RABGAP1L: variants seen among roughly 807,000 people sequenced by gnomAD.
RABGAP1L encodes the protein RAB GTPase activating protein 1 like.
In RABGAP1L, 63 loss-of-function variants were observed where a neutral mutation model predicts 137.7. The ratio of observed to expected loss-of-function variants is 0.46; its 90% confidence interval spans 0.37 to 0.56. The LOEUF (loss-of-function observed/expected upper bound fraction) is 0.56, where lower values mean the gene tolerates loss of function less well. Ranked by LOEUF, RABGAP1L falls within the 20% of genes least tolerant of loss-of-function variation. RABGAP1L has a pLI of 0.00. For synonymous variants in RABGAP1L, 431 were observed against 433.7 expected (o/e 0.99, Z 0.08); for missense variants, 1,095 against 1,244.0 (o/e 0.88, Z 1.80).
chr1:174,892,644 C>T, intron 19 of RABGAP1L: 1 of 535,992 alleles, frequency 1.9e-6, no homozygotes, highest in African/African-American at 1.9e-5. Flanking sequence ...GATGAGGCTG[C>T]TAAAGCTGAT....
intron 13 of RABGAP1L, among the ~76,000 whole-genome samples, chr1:174,632,564 G>A (rs867433534): frequency 4.0e-5 from 6 of 150,174 alleles, no homozygotes; most frequent in African/African-American, 7.5e-5. Flanking sequence ...TCACATAGTC[G>A]CATATTTCTT....
At position 174,511,709 on chromosome 1, in the gene RABGAP1L, G is replaced by A. The variant is rs867398263; in HGVS notation, c.1710+117564G>A. Among the ~76,000 whole-genome samples the A allele has an allele frequency of 3.9e-4, 58 of 150,200 alleles. 1 individual carries two copies. Among genetic ancestry groups the A allele is most frequent in the Admixed American group, 1.9e-3 (28 of 15,038 alleles). On this transcript the variant is annotated intron_variant, in intron 13 of 25. Transcript: ENST00000681986. ...GTGATCTTGGCTCACCACAACCTCC[G>A]CCTCCCAGGTTCAAGCAATTCTCCT...
chr1:174,389,734 A>G (rs538296916), intron 12 of RABGAP1L, among the ~76,000 whole-genome samples: 1 of 152,164 alleles, frequency 6.6e-6, no homozygotes, highest in Non-Finnish European at 1.5e-5. Flanking sequence ...AATGCCTTTT[A>G]TATGTGGGGC....
At chr1:174,810,034 C>T (rs149735817) in intron 18 of RABGAP1L, among the ~76,000 whole-genome samples, 132 of 152,258 alleles carry the variant, frequency 8.7e-4, no homozygotes, top group Non-Finnish European at 4.4e-4. Context: ...CCACTGTTAG[C>T]CTAGCTCCAT....
rs144352235 is a variant in RABGAP1L at position 174,556,699 on chromosome 1, A to G, written c.1711-80676A>G. Among the ~76,000 whole-genome samples, 11 of 152,352 alleles carry G rather than the reference A, an allele frequency of 7.2e-5. No individual in the cohort carries two copies. The East Asian group carries it at 2.1e-3, about 29-fold the overall frequency. On this transcript the variant is annotated intron_variant, in intron 13 of 25. Coordinates refer to ENST00000681986, the MANE Select transcript of RABGAP1L (RefSeq NM_001366446.1). ...AAGTTCTTTAGTGAGGGCTCAAGAA[A>G]TTTGGAAATATTTGTAGATGGATGA...
At chr1:174,727,729 T>C (rs928017395) in intron 17 of RABGAP1L, among the ~76,000 whole-genome samples, 1 of 152,250 alleles carries the variant, frequency 6.6e-6, no homozygotes, top group Non-Finnish European at 1.5e-5. Context: ...ATGGATATGC[T>C]GATTAGCCTG....
At chr1:174,756,947 A>G in intron 18 of RABGAP1L, 1 of 929,670 alleles carries the variant, frequency 1.1e-6, no homozygotes, top group Non-Finnish European at 1.6e-6. Context: ...TTCTCAGAAG[A>G]GGTCTTCATC....
chr1:174,929,858 T>A (rs1426827453), intron 19 of RABGAP1L, among the ~76,000 whole-genome samples: 1 of 148,282 alleles, frequency 6.7e-6, no homozygotes, highest in Non-Finnish European at 1.5e-5. Flanking sequence ...ATTTTTTTTT[T>A]TTTTTTTTTT....
At chr1:174,840,297 G>A (rs140245314) in intron 19 of RABGAP1L, among the ~76,000 whole-genome samples, 1 of 152,266 alleles carries the variant, frequency 6.6e-6, no homozygotes, top group East Asian at 1.9e-4. Context: ...AGAGCAACAT[G>A]GTAGAAACAT....
intron 17 of RABGAP1L, among the ~76,000 whole-genome samples, chr1:174,732,832 C>T (rs1682600270): frequency 1.3e-5 from 2 of 152,202 alleles, no homozygotes; most frequent in East Asian, 1.9e-4. Flanking sequence ...TCCAAAGGCA[C>T]GAATGGATGC....
intron 19 of RABGAP1L, chr1:174,875,587 C>T: frequency 1.0e-6 from 1 of 985,272 alleles, no homozygotes; most frequent in Non-Finnish European, 1.2e-6. Context: ...AATATGAAAG[C>T]AAGAGGAATT....
At chr1:174,386,515 T>C (rs1490241152) in intron 12 of RABGAP1L, among the ~76,000 whole-genome samples, 1 of 151,540 alleles carries the variant, frequency 6.6e-6, no homozygotes, top group Non-Finnish European at 1.5e-5. Context: ...GTGTTTTCTT[T>C]TTTTTTTTTG....
intron 24 of RABGAP1L, among the ~76,000 whole-genome samples, chr1:174,984,778 G>A (rs1671446562): frequency 6.6e-6 from 1 of 152,086 alleles, no homozygotes. Flanking sequence ...GTGCTAAGTT[G>A]GATCACAATG....
At chr1:174,185,125 T>A (rs560978529) in intron 1 of RABGAP1L, among the ~76,000 whole-genome samples, 9 of 152,350 alleles carry the variant, frequency 5.9e-5, no homozygotes, top group African/African-American at 1.9e-4. Context: ...AGGAGGAACC[T>A]GGGAGAGATC....
chr1:174,424,013 A>G (rs1168809287), intron 13 of RABGAP1L, among the ~76,000 whole-genome samples: 1 of 152,160 alleles, frequency 6.6e-6, no homozygotes, highest in African/African-American at 2.4e-5. Context: ...AGTTTATAAG[A>G]GTGGTATAAA....
chr1:174,615,234 G>A (rs1411058594), intron 13 of RABGAP1L, among the ~76,000 whole-genome samples: 1 of 152,150 alleles, frequency 6.6e-6, no homozygotes, highest in Non-Finnish European at 1.5e-5. Flanking sequence ...CTTTGATGAT[G>A]GTTATGTACA....
chr1:174,498,190 A>G (rs1012771170), intron 13 of RABGAP1L, among the ~76,000 whole-genome samples: 7 of 152,182 alleles, frequency 4.6e-5, no homozygotes, highest in African/African-American at 1.7e-4. Flanking sequence ...TGAGAAGAGT[A>G]TATTCAACAA....
chr1:174,969,760 A>G (rs756571730), intron 21 of RABGAP1L, among the ~76,000 whole-genome samples: 3 of 152,226 alleles, frequency 2.0e-5, no homozygotes, highest in Non-Finnish European at 4.4e-5. Flanking sequence ...ATTCTCCATA[A>G]TAAATGTGAA....
At chr1:174,239,221 C>T (rs1400845695) in intron 4 of RABGAP1L, among the ~76,000 whole-genome samples, 1 of 152,222 alleles carries the variant, frequency 6.6e-6, no homozygotes, top group African/African-American at 2.4e-5. Context: ...CAGAAATCAC[C>T]CGTCTTCTGC....
Sources: gnomAD v4.1 joint callset for allele counts (sites outside exome capture counted in the v4.1 genomes callset) on GRCh38, gnomAD v4.1.1 for gene constraint, MANE v1.5 for transcripts, NCBI Gene and HGNC (gene_info 2026-07-23, HGNC 2026-07-21) for gene names.